Variants in ADD3 observed in about 807,000 individuals in gnomAD.
ADD3 encodes the protein adducin 3.
ADD3 carries 25 observed loss-of-function variants against 80.2 expected under a neutral mutation model. That is an observed-to-expected ratio of 0.31 (90% CI 0.23 to 0.44). ADD3 has a LOEUF of 0.44. ADD3 is among the 20% of genes least tolerant of loss of function. The pLI, the probability that ADD3 is intolerant of heterozygous loss-of-function variation, is 1.00. For synonymous variants in ADD3, 284 were observed against 289.6 expected (o/e 0.98, Z 0.20); for missense variants, 829 against 847.5 (o/e 0.98, Z 0.27).
chr10:110,041,492 A>T (rs1166324830), intron 1 of ADD3, among the ~76,000 whole-genome samples: 1 of 152,184 alleles, frequency 6.6e-6, no homozygotes, highest in Non-Finnish European at 1.5e-5. Flanking sequence ...TAAATGGTTT[A>T]ACATCTCTAA....
intron 1 of ADD3, among the ~76,000 whole-genome samples, chr10:110,021,439 A>T (rs1207659562): frequency 6.6e-6 from 1 of 152,224 alleles, no homozygotes; most frequent in African/African-American, 2.4e-5. Context: ...CATTATTCAT[A>T]ATAGCCCAAA....
chr10:110,012,358 A>T (rs1464451508), intron 1 of ADD3, among the ~76,000 whole-genome samples: 1 of 152,270 alleles, frequency 6.6e-6, no homozygotes, highest in Non-Finnish European at 1.5e-5. Context: ...AATGTTAAGA[A>T]AGTACTGTTT....
intron 14 of ADD3, chr10:110,132,744 G>A (rs554527743): frequency 5.9e-5 from 11 of 187,036 alleles, no homozygotes; most frequent in South Asian, 1.9e-4. Context: ...TGGCTAACAC[G>A]GTGAAACCCT....
chr10:110,130,005 G>C (rs1399690797), intron 12 of ADD3, among the ~76,000 whole-genome samples: 5 of 152,012 alleles, frequency 3.3e-5, no homozygotes, highest in African/African-American at 1.2e-4. Flanking sequence ...TTTCATTTCT[G>C]TAAGCCTTTT....
At chr10:110,042,484 G>A (rs1433017644) in intron 1 of ADD3, among the ~76,000 whole-genome samples, 1 of 151,990 alleles carries the variant, frequency 6.6e-6, no homozygotes, top group African/African-American at 2.4e-5. Context: ...AGTGAGCTGA[G>A]AAATAATCTT....
chr10:110,109,256 TCAATA>T (rs1352514889), intron 2 of ADD3, among the ~76,000 whole-genome samples: 3 of 152,116 alleles, frequency 2.0e-5, no homozygotes, highest in Non-Finnish European at 4.4e-5. Context: ...CCATTGTAAA[TCAATA>T]CACTGAGCAA....
intron 10 of ADD3, 124 bp downstream of exon 10, chr10:110,124,398 T>C (rs140448015): frequency 7.6e-6 from 9 of 1,184,520 alleles, no homozygotes; most frequent in South Asian, 3.2e-5. Flanking sequence ...CTGTCACTTA[T>C]CTGGCTTTAA....
intron 1 of ADD3, among the ~76,000 whole-genome samples, chr10:110,079,536 T>C (rs1452210314): frequency 1.4e-5 from 2 of 139,964 alleles, no homozygotes; most frequent in Non-Finnish European, 3.1e-5. Context: ...ACATATAAAA[T>C]TATACCATTA....
At chr10:110,013,565 A>G (rs1345864486) in intron 1 of ADD3, among the ~76,000 whole-genome samples, 2 of 152,254 alleles carry the variant, frequency 1.3e-5, no homozygotes, top group Non-Finnish European at 2.9e-5. Context: ...GTGTCTCAAG[A>G]AGTATACTAT....
At chr10:110,024,951 A>G (rs2081645092) in intron 1 of ADD3, among the ~76,000 whole-genome samples, 1 of 150,710 alleles carries the variant, frequency 6.6e-6, no homozygotes, top group African/African-American at 2.4e-5. Context: ...TTTTGGAGAC[A>G]GAGTCTCACT....
At chr10:110,053,172 A>G (rs190358443) in intron 1 of ADD3, among the ~76,000 whole-genome samples, 5 of 152,296 alleles carry the variant, frequency 3.3e-5, no homozygotes, top group Admixed American at 2.6e-4. Flanking sequence ...CAACTGAACA[A>G]TTTACCAGTG....
chr10:110,087,091 C>T (rs1355124190), intron 1 of ADD3, among the ~76,000 whole-genome samples: 1 of 152,008 alleles, frequency 6.6e-6, no homozygotes, highest in African/African-American at 2.4e-5. Flanking sequence ...CAGTGGCACG[C>T]CATCTCAGCT....
rs369659397 is a variant in ADD3, at chr10:110,132,407, A to G, written c.1828+7A>G. 8.2e-6 allele frequency: 13 copies of G among 1,588,988 alleles called. No homozygotes were observed. Among genetic ancestry groups the G allele is most frequent in the Non-Finnish European group, 1.1e-5 (13 of 1,157,516 alleles). On this transcript the variant is annotated splice_region_variant and intron_variant, in intron 14 of 14. Coordinates refer to ENST00000356080, the MANE Select transcript of ADD3 (RefSeq NM_016824.5). ...GTCCCTGAAAAATTAGAAGGTACTC[A>G]ATGTAATTTCCCACATAGCATTCAC...
intron 1 of ADD3, among the ~76,000 whole-genome samples, chr10:109,996,897 C>T (rs1044211690): frequency 2.0e-5 from 3 of 152,354 alleles, no homozygotes; most frequent in African/African-American, 4.8e-5. Context: ...GTTCTGCTAT[C>T]ATACATTTAC....
At chr10:110,096,490 T>A (rs1174882662) in intron 1 of ADD3, among the ~76,000 whole-genome samples, 1 of 152,210 alleles carries the variant, frequency 6.6e-6, no homozygotes, top group East Asian at 1.9e-4. Flanking sequence ...AAAACAAAGC[T>A]TTGTGTGTTT....
chr10:110,044,341 T>TGGTC (rs1340559227), intron 1 of ADD3, among the ~76,000 whole-genome samples: 1 of 152,226 alleles, frequency 6.6e-6, no homozygotes, highest in Admixed American at 6.5e-5. Flanking sequence ...TTCTGGCCTA[T>TGGTC]TAGACCATTG....
chr10:110,064,646 G>C (rs556269276), intron 1 of ADD3, among the ~76,000 whole-genome samples: 2 of 151,950 alleles, frequency 1.3e-5, no homozygotes, highest in African/African-American at 2.4e-5. Flanking sequence ...TCTTTTTTCA[G>C]ATACCCTTAA....
chr10:110,058,842 A>G (rs2133475524), intron 1 of ADD3, among the ~76,000 whole-genome samples: 1 of 152,320 alleles, frequency 6.6e-6, no homozygotes, highest in South Asian at 2.1e-4. Flanking sequence ...TCACAAATCC[A>G]TTCTAAAGTG....
chr10:109,999,371 G>T (rs1851439901), intron 1 of ADD3, among the ~76,000 whole-genome samples: 1 of 152,122 alleles, frequency 6.6e-6, no homozygotes, highest in African/African-American at 2.4e-5. Flanking sequence ...GCTTCCTCCT[G>T]CCACCGCCAT....
Sources: allele counts gnomAD v4.1 joint callset (sites outside exome capture counted in the v4.1 genomes callset), GRCh38; gene constraint gnomAD v4.1.1; transcripts MANE v1.5; gene names NCBI Gene and HGNC (gene_info 2026-07-23, HGNC 2026-07-21).